WDR72: variants seen among roughly 807,000 people sequenced by gnomAD.
WDR72 encodes WD repeat domain 72.
A neutral mutation model predicts 124.2 loss-of-function variants in WDR72; 120 were observed. The observed-to-expected ratio is 0.97, with a 90% CI of 0.83 to 1.12. The LOEUF is 1.12. WDR72 is among the 50% of genes most tolerant of loss of function. The probability of loss-of-function intolerance (pLI) is 0.00; values close to 1 mark genes in which losing one functional copy is unlikely to be tolerated. For missense variants in WDR72, 1,387 were observed against 1,278.8 expected (o/e 1.08, Z -1.29); for synonymous variants, 452 against 441.7 (o/e 1.02, Z -0.29).
chr15:53,620,220 C>A (rs2013934472), intron 14 of WDR72, among the ~76,000 whole-genome samples: 1 of 151,406 alleles, frequency 6.6e-6, no homozygotes, highest in African/African-American at 2.4e-5. Flanking sequence ...CTTAAATGTC[C>A]CATACAATAG....
At chr15:53,693,240 C>T (rs2016898489) in intron 13 of WDR72, among the ~76,000 whole-genome samples, 1 of 152,122 alleles carries the variant, frequency 6.6e-6, no homozygotes, top group Non-Finnish European at 1.5e-5. Flanking sequence ...TAGATGTTGT[C>T]TACCATAAAA....
In WDR72 at chr15:53,722,857, C is replaced by T. The variant is rs1418824582; in HGVS notation, c.205G>A (p.Ala69Thr). 6.2e-7 allele frequency: 1 copy of T among 1,612,688 alleles called. No individual in the cohort carries two copies. Among genetic ancestry groups the T allele is most frequent in the South Asian group, 1.1e-5 (1 of 91,076 alleles). ...FGHSASVTCL[A>T]RARDFSKQPY... ...TGTTTAGAGAAGTCCCTTGCTCTTG[C>T]CAAACATGTTACCGAAGCTGAATGA... The change falls in exon 3 of 20, where the codon GCA (alanine) becomes ACA (threonine). Residue 69 changes from alanine to threonine, a missense_variant. Ala to Thr is a moderately conservative substitution (Grantham distance 58, BLOSUM62 0). Transcript: ENST00000360509.
At chr15:53,712,599 CA>C (rs1041754599) in intron 7 of WDR72, among the ~76,000 whole-genome samples, 172 bp downstream of exon 7, 2 of 122,670 alleles carry the variant, frequency 1.6e-5, no homozygotes, top group African/African-American at 5.6e-5. Context: ...TCAACCACCC[CA>C]CCGCCAAAAA....
At chr15:53,707,263 T>C (rs1170575844) in intron 9 of WDR72, among the ~76,000 whole-genome samples, 1 of 152,162 alleles carries the variant, frequency 6.6e-6, no homozygotes, top group African/African-American at 2.4e-5. Context: ...ATTGCTACAT[T>C]TAATCTTCAC....
chr15:53,716,769 A>AGTACTGCACTTAAGT, intron 3 of WDR72, 84 bp from the exon 4 acceptor site: 5 of 955,682 alleles, frequency 5.2e-6, no homozygotes, highest in South Asian at 5.2e-5. Context: ...GTTTTTCTTT[A>AGTACTGCACTTAAGT]GCAGCCTGAT....
At chr15:53,669,951 C>T (rs944964993) in intron 13 of WDR72, among the ~76,000 whole-genome samples, 5 of 152,058 alleles carry the variant, frequency 3.3e-5, no homozygotes, top group African/African-American at 1.2e-4. Flanking sequence ...TATAGTACAT[C>T]AAGAATAGGA....
chr15:53,742,689 A>G (rs1237248666), intron 1 of WDR72, among the ~76,000 whole-genome samples: 1 of 152,216 alleles, frequency 6.6e-6, no homozygotes, highest in Non-Finnish European at 1.5e-5. Context: ...ATAGGGATAA[A>G]GTTAGAGACT....
At chr15:53,738,531 AAAGGT>A (rs2018418059) in intron 1 of WDR72, among the ~76,000 whole-genome samples, 1 of 152,214 alleles carries the variant, frequency 6.6e-6, no homozygotes, top group Non-Finnish European at 1.5e-5. Context: ...AAAAATTTGG[AAAGGT>A]AAGTGAAATA....
chr15:53,519,649 C>G (rs1339704158), intron 19 of WDR72, among the ~76,000 whole-genome samples: 1 of 151,992 alleles, frequency 6.6e-6, no homozygotes. Context: ...CTAGCAGGGT[C>G]AAAGTAATAG....
chr15:53,642,546 G>A (rs192512674), intron 14 of WDR72, among the ~76,000 whole-genome samples: 5 of 151,982 alleles, frequency 3.3e-5, no homozygotes, highest in Non-Finnish European at 5.9e-5. Flanking sequence ...GGTGAGAGAG[G>A]TTTCTTTATT....
chr15:53,735,564 C>T (rs931919215), intron 1 of WDR72, among the ~76,000 whole-genome samples: 1 of 152,112 alleles, frequency 6.6e-6, no homozygotes, highest in Non-Finnish European at 1.5e-5. Context: ...TTTATGTATA[C>T]ACACAAATAT....
At chr15:53,611,487 A>G (rs1029937079) in intron 16 of WDR72, among the ~76,000 whole-genome samples, 9 of 152,098 alleles carry the variant, frequency 5.9e-5, no homozygotes, top group African/African-American at 1.7e-4. Context: ...GTGCTAAAAA[A>G]CAAACAAACA....
At chr15:53,671,855 C>T (rs1595836480) in intron 13 of WDR72, among the ~76,000 whole-genome samples, 1 of 150,976 alleles carries the variant, frequency 6.6e-6, no homozygotes, top group South Asian at 2.1e-4. Context: ...ACAGAAGATG[C>T]TAGTCTAAAG....
chr15:53,595,639 G>C (rs2012735163), intron 18 of WDR72, among the ~76,000 whole-genome samples: 1 of 152,154 alleles, frequency 6.6e-6, no homozygotes. Context: ...AGTAACACTA[G>C]CTGACTTGGG....
chr15:53,552,788 T>A (rs1231475642), intron 18 of WDR72, among the ~76,000 whole-genome samples: 1 of 152,156 alleles, frequency 6.6e-6, no homozygotes, highest in African/African-American at 2.4e-5. Flanking sequence ...GTATTTCTCA[T>A]CCAGAAGCAA....
At chr15:53,684,849 C>T (rs1164853885) in intron 13 of WDR72, among the ~76,000 whole-genome samples, 7 of 152,260 alleles carry the variant, frequency 4.6e-5, no homozygotes, top group Admixed American at 1.3e-4. Flanking sequence ...TCTCCCAGTA[C>T]GCAGCTGGAG....
At chr15:53,620,398 T>A (rs183277714) in intron 14 of WDR72, among the ~76,000 whole-genome samples, 4 of 149,124 alleles carry the variant, frequency 2.7e-5, no homozygotes, top group Non-Finnish European at 4.4e-5. Flanking sequence ...ATCATATTTA[T>A]TTTTTAAATT....
intron 17 of WDR72, among the ~76,000 whole-genome samples, chr15:53,608,743 G>A (rs1352942323): frequency 2.3e-5 from 2 of 87,238 alleles, no homozygotes; most frequent in Admixed American, 2.2e-4. Flanking sequence ...GTGACAGAGC[G>A]AGATCCTTTC....
intron 13 of WDR72, among the ~76,000 whole-genome samples, chr15:53,692,201 T>C (rs572021857): frequency 2.0e-5 from 3 of 152,120 alleles, no homozygotes; most frequent in South Asian, 2.1e-4. Context: ...CTTTCTTATA[T>C]GTTGCTTTAT....
Sources: gnomAD v4.1 joint callset for allele counts (sites outside exome capture counted in the v4.1 genomes callset) on GRCh38, gnomAD v4.1.1 for gene constraint, MANE v1.5 for transcripts, NCBI Gene and HGNC (gene_info 2026-07-23, HGNC 2026-07-21) for gene names.